The following TRAF2 variants were observed in gnomAD, a reference collection of about 807,000 sequenced individuals.
The protein encoded by TRAF2 is TNF receptor associated factor 2.
TRAF2 carries 6 observed loss-of-function variants against 55.6 expected under a neutral mutation model. That is an observed-to-expected ratio of 0.11 (90% CI 0.06 to 0.21). The LOEUF is 0.21. Among genes scored for constraint, TRAF2 ranks in the 10% least tolerant of loss-of-function variants. The pLI is 1.00. For missense variants in TRAF2, 561 were observed against 684.5 expected (o/e 0.82, Z 2.01); for synonymous variants, 329 against 276.3 (o/e 1.19, Z -1.89).
intron 9 of TRAF2, among the ~76,000 whole-genome samples, chr9:136,923,526 G>A (rs1357264886): frequency 2.1e-5 from 3 of 143,502 alleles, no homozygotes; most frequent in Non-Finnish European, 4.5e-5. Flanking sequence ...CAGGAGAATC[G>A]CTTGATCCCA....
chr9:136,926,402 G>A lies in TRAF2; in HGVS notation c.*501G>A, dbSNP rs533925298. 3.7e-5 allele frequency: 7 copies of A among 188,890 alleles called. No individual in the cohort carries two copies. The East Asian group carries it at 8.8e-4, about 24-fold the overall frequency. 11.7% of individuals were successfully genotyped at this position (188,890 alleles called of 1,614,324 possible). A position where few individuals can be genotyped will look rare whatever the true frequency, so the allele number is the denominator to read the frequency against. ...TCTCCCCTCTGGCCCCTGGAGAGAA[G>A]GGAGCATTCCTAGACCCCTGGGTGC... On this transcript the variant is annotated 3_prime_UTR_variant, in exon 11 of 11. Coordinates refer to ENST00000247668, the MANE Select transcript of TRAF2 (RefSeq NM_021138.4).
chr9:136,924,028 G>A, intron 10 of TRAF2, 28 bp downstream of exon 10: 1 of 1,608,922 alleles, frequency 6.2e-7, no homozygotes. Flanking sequence ...GGCTTCGCTA[G>A]GGCCGCACCT....
At chr9:136,920,641 A>G in intron 8 of TRAF2, 126 bp downstream of exon 8, 1 of 1,290,868 alleles carries the variant, frequency 7.7e-7, no homozygotes, top group Non-Finnish European at 1.0e-6. Context: ...CCATCTGCAA[A>G]CCCCAGTCCA....
chr9:136,920,744 G>A (rs1037350882), intron 8 of TRAF2, among the ~76,000 whole-genome samples: 19 of 152,230 alleles, frequency 1.2e-4, no homozygotes, highest in Admixed American at 3.3e-4. Flanking sequence ...CCAGGCCGTG[G>A]GCAGGAGCCT....
chr9:136,916,753 G>A (rs1850251984), intron 7 of TRAF2, 138 bp downstream of exon 7: 1 of 818,930 alleles, frequency 1.2e-6, no homozygotes, highest in South Asian at 1.4e-5. Context: ...TGCCCCGGCT[G>A]TCCGAGTGTT....
At chr9:136,909,739 C>T (rs946006688) in intron 5 of TRAF2, among the ~76,000 whole-genome samples, 181 bp from the exon 6 acceptor site, 2 of 152,208 alleles carry the variant, frequency 1.3e-5, no homozygotes, top group African/African-American at 2.4e-5. Flanking sequence ...TTAAGATCTC[C>T]GAGGCTCCTG....
upstream of TRAF2, among the ~76,000 whole-genome samples, chr9:136,884,418 G>A (rs1849409600): frequency 6.6e-6 from 1 of 152,026 alleles, no homozygotes; most frequent in Non-Finnish European, 1.5e-5. Context: ...AAATTAGCCG[G>A]GCGTAGCGGT....
chr9:136,909,740 G>A (rs977401198), intron 5 of TRAF2, among the ~76,000 whole-genome samples, 180 bp from the exon 6 acceptor site: 10 of 152,194 alleles, frequency 6.6e-5, no homozygotes, highest in Non-Finnish European at 1.2e-4. Context: ...TAAGATCTCC[G>A]AGGCTCCTGG....
intron 10 of TRAF2, among the ~76,000 whole-genome samples, chr9:136,924,962 C>T (rs1255081427): frequency 1.3e-5 from 2 of 152,218 alleles, no homozygotes; most frequent in South Asian, 2.1e-4. Context: ...TGGTCTTGAT[C>T]TCCTGACCTT....
intron 1 of TRAF2, among the ~76,000 whole-genome samples, chr9:136,889,108 A>T (rs1479862797): frequency 6.6e-6 from 1 of 151,772 alleles, no homozygotes; most frequent in Non-Finnish European, 1.5e-5. Context: ...TGATCCGCCC[A>T]CCTCGGCCTC....
At position 136,926,159 on chromosome 9, in the gene TRAF2, G is replaced by C. The variant is rs571040177; in HGVS notation, c.*258G>C. The C allele has an allele frequency of 4.6e-6, 3 of 655,312 alleles. No homozygotes were observed. Among genetic ancestry groups the C allele is most frequent in the South Asian group, 1.5e-5 (1 of 65,164 alleles). The allele number at this position is 655,312 out of a possible 1,614,324, so 40.6% of individuals were successfully genotyped here. A position where few individuals can be genotyped will look rare whatever the true frequency, so the allele number is the denominator to read the frequency against. On this transcript the variant is annotated 3_prime_UTR_variant, in exon 11 of 11. Coordinates refer to ENST00000247668, the MANE Select transcript of TRAF2 (RefSeq NM_021138.4). ...GTGGTGGCATTGGCCGAGGGTCTTC[G>C]GGTGCTTCCCAGCACAAGCTGCCCT...
At chr9:136,884,508 C>T (rs777442841), upstream of TRAF2, among the ~76,000 whole-genome samples, 8 of 152,018 alleles carry the variant, frequency 5.3e-5, no homozygotes, top group African/African-American at 1.9e-4. Flanking sequence ...TGCAGTGAGC[C>T]GAGATCGCAC....
intron 1 of TRAF2, among the ~76,000 whole-genome samples, chr9:136,895,170 A>T (rs1330180585): frequency 6.6e-6 from 1 of 152,126 alleles, no homozygotes; most frequent in African/African-American, 2.4e-5. Context: ...GCCTGCTGGG[A>T]GAGGTCAGCC....
Position 136,926,100 on chromosome 9 carries a change from G to A in TRAF2, c.*199G>A, listed in dbSNP as rs142208697. 1.6e-4 allele frequency: 124 copies of A among 778,780 alleles called. No individual in the cohort carries two copies. In the East Asian group the frequency reaches 1.6e-3, roughly 10 times the overall value. The allele number at this position is 778,780 out of a possible 1,614,324, so 48.2% of individuals were successfully genotyped here. On this transcript the variant is annotated 3_prime_UTR_variant, in exon 11 of 11. Coordinates refer to ENST00000247668, the MANE Select transcript of TRAF2 (RefSeq NM_021138.4). ...CCAGTCCTCAGATTTCAGAGACTGCGGAGGGGCTTGGCAGACGGTCTTAGC... is the reference window on the plus strand; with the variant it reads ...CCAGTCCTCAGATTTCAGAGACTGCAGAGGGGCTTGGCAGACGGTCTTAGC...
In TRAF2 at chr9:136,898,803, G is replaced by C. The variant is rs1330156846; in HGVS notation, c.63G>C (p.Lys21Asn). Residue 21 changes from lysine (K) to asparagine (N), a missense_variant, in exon 2 of 11, where the codon AAG becomes AAC. By Grantham distance (94) the Lys-to-Asn change is moderately conservative (BLOSUM62 0). This residue lies in a region of TRAF2 where 426 missense variants were observed against 476.8 expected (regional missense o/e 0.89). Transcript: ENST00000247668. ...AGTTGCTACAGCCCGGCTTCTCCAA[G>C]ACCCTCCTGGGGACCAAGCTGGAAG... ...SLELLQPGFS[K>N]TLLGTKLEAK... 16 of 1,613,796 alleles carry C rather than the reference G, an allele frequency of 9.9e-6. No homozygotes were observed. Among genetic ancestry groups the C allele is most frequent in the Non-Finnish European group, 1.3e-5 (15 of 1,180,038 alleles).
At position 136,922,717 on chromosome 9, in the gene TRAF2, G is replaced by C. The variant is rs372949378; in HGVS notation, c.1139-1135G>C. 1.5e-3 allele frequency among the ~76,000 whole-genome samples: 211 copies of C among 138,982 alleles called. 2 individuals are homozygous for C. Among genetic ancestry groups the C allele is most frequent in the African/African-American group, 5.5e-3 (201 of 36,410 alleles). 91.2% of individuals were successfully genotyped at this position (138,982 alleles called of 152,430 possible). A position where few individuals can be genotyped will look rare whatever the true frequency, so the allele number is the denominator to read the frequency against. Reference sequence around the variant, plus strand: ...GGATGGGGAGGATGGGCCTGGGCACGTGGTGGAGGACGGGGACGGGGAGGA... The same window carrying C: ...GGATGGGGAGGATGGGCCTGGGCACCTGGTGGAGGACGGGGACGGGGAGGA... On this transcript the variant is annotated intron_variant, in intron 9 of 10. Coordinates refer to ENST00000247668, the MANE Select transcript of TRAF2 (RefSeq NM_021138.4).
Position 136,898,514 on chromosome 9 carries a change from C to T in TRAF2, c.-28-199C>T, listed in dbSNP as rs17243802. 55 of 923,914 alleles carry T rather than the reference C, an allele frequency of 6.0e-5. No homozygotes were observed. The African/African-American group carries it at 7.7e-4, about 13-fold the overall frequency. 57.2% of individuals were successfully genotyped at this position (923,914 alleles called of 1,614,324 possible). ...CCCCAGCCTCACTGAGCCTGAGTTT[C>T]CATACTAGCGGCGGGAGATGGGACT... On this transcript the variant is annotated intron_variant, in intron 1 of 10. Transcript: ENST00000247668.
intron 1 of TRAF2, among the ~76,000 whole-genome samples, chr9:136,895,146 C>CT (rs1208453713): frequency 6.6e-6 from 1 of 152,180 alleles, no homozygotes; most frequent in Non-Finnish European, 1.5e-5. Flanking sequence ...TCATCCAAAA[C>CT]TTGCCGGTCC....
intron 10 of TRAF2, among the ~76,000 whole-genome samples, chr9:136,924,852 C>T (rs1027362867): frequency 3.9e-5 from 6 of 152,058 alleles, no homozygotes; most frequent in Admixed American, 6.5e-5. Context: ...GATTCTCCTG[C>T]CTCAGCCTCC....
Sources: gnomAD v4.1 joint callset for allele counts (sites outside exome capture counted in the v4.1 genomes callset) on GRCh38, gnomAD v4.1.1 for gene constraint, gnomAD v4.1.1 regional missense constraint, MANE v1.5 for transcripts, NCBI Gene and HGNC (gene_info 2026-07-23, HGNC 2026-07-21) for gene names.